Variants in STPG1 observed in about 807,000 individuals in gnomAD.
The protein encoded by STPG1 is O(6)-methylguanine-induced apoptosis 2.
Under a neutral mutation model 40.1 loss-of-function variants are expected in STPG1, and 33 were observed. The observed-to-expected ratio is 0.82, with a 90% CI of 0.62 to 1.10. The LOEUF is 1.10. Among genes scored for constraint, STPG1 ranks in the 50% least tolerant of loss-of-function variants. The pLI is 0.00. For synonymous variants in STPG1, 150 were observed against 155.0 expected, an observed-to-expected ratio of 0.97 and a Z score of 0.24; for missense variants, 396 against 415.1, an observed-to-expected ratio of 0.95 and a Z score of 0.40.
At position 24,401,303 on chromosome 1, in the gene STPG1, G is replaced by A. The variant is rs373299205; in HGVS notation, c.70+16C>T. 5.6e-6 allele frequency: 9 copies of A among 1,612,562 alleles called. No homozygotes were observed. The African/African-American group carries it at 6.7e-5, about 12-fold the overall frequency. On this transcript the variant is annotated intron_variant, in intron 2 of 8. Coordinates refer to ENST00000337248, the MANE Select transcript of STPG1 (RefSeq NM_001199013.2). ...ATATGTCAGGAGCTATCTCCTCCCT[G>A]CAAAGACACATGTACCTTTCTGTAC...
chr1:24,389,474 T>C (rs1570059627), intron 3 of STPG1, among the ~76,000 whole-genome samples: 2 of 152,288 alleles, frequency 1.3e-5, no homozygotes, highest in East Asian at 1.9e-4. Context: ...TCTTTCAACA[T>C]TGATTCAGCA....
Position 24,413,748 on chromosome 1 carries a change from G to C in STPG1, c.-143C>G, listed in dbSNP as rs941927993. 5.3e-5 allele frequency: 8 copies of C among 152,256 alleles called. No homozygotes were observed. Among genetic ancestry groups the C allele is most frequent in the Non-Finnish European group, 1.0e-4 (7 of 68,094 alleles). The allele number at this position is 152,256 out of a possible 1,614,324, so 9.4% of individuals were successfully genotyped here. On this transcript the variant is annotated 5_prime_UTR_variant, in exon 1 of 9. Transcript: ENST00000337248. ...TATGGCACCCACAGGCCTAACATTC[G>C]CGAGTCCACCTTCCGCCGTCCGCGA... is the stretch of plus-strand genomic sequence containing the variant.
chr1:24,385,798 C>G (rs951509719), intron 3 of STPG1, among the ~76,000 whole-genome samples: 1 of 152,196 alleles, frequency 6.6e-6, no homozygotes, highest in African/African-American at 2.4e-5. Context: ...AGTGCTGCCA[C>G]ACGCTAAGTG....
chr1:24,359,991 C>G lies in STPG1; in HGVS notation c.928+860G>C, dbSNP rs1640988901. Among the ~76,000 whole-genome samples the G allele has an allele frequency of 6.6e-6, 1 of 152,074 alleles. No homozygotes were observed. ...AAAGAGCTGCTCCGTTGGACAGTCC[C>G]TGGTTAATTTCATGAACAAACAAGG... On this transcript the variant is annotated intron_variant, in intron 8 of 8. Transcript: ENST00000337248. The surrounding 1 kb of genome is among the most constrained non-coding windows in gnomAD (Gnocchi z 5.3).
Position 24,361,061 on chromosome 1 carries a change from G to C in STPG1, c.738-20C>G, listed in dbSNP as rs775758927. 5.7e-6 allele frequency: 9 copies of C among 1,592,738 alleles called. No homozygotes were observed. Among genetic ancestry groups the C allele is most frequent in the Admixed American group, 3.5e-5 (2 of 57,614 alleles). On this transcript the variant is annotated intron_variant, in intron 7 of 8. Transcript: ENST00000337248. ...TTTTTCCTTTGGGAAAGATAAAACGGGAAGATGTCACTAAGGCAGTCTAGT... is the reference window on the plus strand; with the variant it reads ...TTTTTCCTTTGGGAAAGATAAAACGCGAAGATGTCACTAAGGCAGTCTAGT...
chr1:24,406,752 T>C (rs541278030), intron 1 of STPG1, among the ~76,000 whole-genome samples: 32 of 152,352 alleles, frequency 2.1e-4, no homozygotes, highest in Admixed American at 7.2e-4. Flanking sequence ...GTAATGCTTA[T>C]TTTGATTCCT....
chr1:24,397,879 C>A (rs929117928), intron 2 of STPG1, among the ~76,000 whole-genome samples: 1 of 152,034 alleles, frequency 6.6e-6, no homozygotes, highest in Non-Finnish European at 1.5e-5. Context: ...AGTTTGGGGG[C>A]ATTACAAATA....
intron 6 of STPG1, among the ~76,000 whole-genome samples, chr1:24,370,275 A>ACATAGTGG (rs1270947792): frequency 2.0e-5 from 3 of 151,864 alleles, no homozygotes; most frequent in Non-Finnish European, 4.4e-5. Flanking sequence ...AGTTCCTAGC[A>ACATAGTGG]CATAGTGGAT....
At chr1:24,372,700 A>G (rs1364791044) in intron 6 of STPG1, among the ~76,000 whole-genome samples, 1 of 152,146 alleles carries the variant, frequency 6.6e-6, no homozygotes, top group Non-Finnish European at 1.5e-5. Flanking sequence ...GATCTTTTCA[A>G]CTTTAATCTG....
rs776437856 is a variant in STPG1 at position 24,401,379 on chromosome 1, A to G, written c.10T>C (p.Ser4Pro). 8.1e-6 allele frequency: 13 copies of G among 1,613,976 alleles called. No individual in the cohort carries two copies. Among genetic ancestry groups the G allele is most frequent in the Non-Finnish European group, 1.1e-5 (13 of 1,179,930 alleles). MDNSAQKNERTGKH... is the reference protein window; with the variant it reads MDNPAQKNERTGKH... Reference sequence around the variant, plus strand: ...CCAGTGCGTTCATTTTTCTGTGCAGAGTTGTCCATGTTAGCAAAATTCTGT... The same window carrying G: ...CCAGTGCGTTCATTTTTCTGTGCAGGGTTGTCCATGTTAGCAAAATTCTGT... The change falls in exon 2 of 9, where the codon TCT becomes CCT. Residue 4 changes from serine (S) to proline (P), a missense_variant. Physicochemically the swap from Ser to Pro is moderately conservative, Grantham distance 74 (BLOSUM62 -1). Coordinates refer to ENST00000337248, the MANE Select transcript of STPG1 (RefSeq NM_001199013.2).
intron 6 of STPG1, among the ~76,000 whole-genome samples, chr1:24,370,146 C>T (rs910241253): frequency 6.6e-6 from 1 of 152,182 alleles, no homozygotes; most frequent in African/African-American, 2.4e-5. Flanking sequence ...GGACATTCAT[C>T]TAACCAGGGA....
chr1:24,374,558 C>T (rs983471047), intron 5 of STPG1, among the ~76,000 whole-genome samples: 8 of 148,542 alleles, frequency 5.4e-5, no homozygotes, highest in African/African-American at 1.7e-4. Flanking sequence ...TGCGCCCAGC[C>T]GGAAAGTGTT....
Position 24,364,497 on chromosome 1 carries a change from T to C in STPG1, c.738-3456A>G, listed in dbSNP as rs1405315504. On this transcript the variant is annotated intron_variant, in intron 7 of 8. Transcript: ENST00000337248. Reference sequence around the variant, plus strand: ...TGCATTTAAAATGTTGCATTTTCTATGGCTTTTACTTGCCTAGCTCTTTAA... The same window carrying C: ...TGCATTTAAAATGTTGCATTTTCTACGGCTTTTACTTGCCTAGCTCTTTAA... 7.3e-6 allele frequency: 10 copies of C among 1,371,452 alleles called. No individual in the cohort carries two copies. The Admixed American group carries it at 2.4e-4, about 33-fold the overall frequency. The allele number at this position is 1,371,452 out of a possible 1,614,324, so 85.0% of individuals were successfully genotyped here.
In STPG1 at chr1:24,401,469, A is replaced by C. The variant is rs1352815943; in HGVS notation, c.-68-13T>G. On this transcript the variant is annotated splice_polypyrimidine_tract_variant and intron_variant, in intron 1 of 8. Transcript: ENST00000337248. Reference sequence around the variant, plus strand: ...TTCTCCTAAGCACCTGAAACAGCAAAACACAGCATTTGTAGAGATCATTTC... The same window carrying C: ...TTCTCCTAAGCACCTGAAACAGCAACACACAGCATTTGTAGAGATCATTTC... 2 of 1,160,624 alleles carry C rather than the reference A, an allele frequency of 1.7e-6. No individual in the cohort carries two copies. The highest frequency in any genetic ancestry group is 2.6e-6 in the Non-Finnish European group (2 of 775,900). 71.9% of individuals were successfully genotyped at this position (1,160,624 alleles called of 1,614,324 possible).
chr1:24,403,274 GTGTT>G (rs2148713549), intron 1 of STPG1, among the ~76,000 whole-genome samples: 1 of 152,234 alleles, frequency 6.6e-6, no homozygotes, highest in Admixed American at 6.5e-5. Flanking sequence ...CTGTGTGTAT[GTGTT>G]TATTTAGATA....
At chr1:24,377,660 T>C (rs58533416) in intron 5 of STPG1, among the ~76,000 whole-genome samples, 2,680 of 152,242 alleles carry the variant, frequency 0.018, 81 homozygotes, top group African/African-American at 0.06. Context: ...TTTGTAATTA[T>C]TTTGTTTGTT....
rs572609638 is a variant in STPG1, at chr1:24,409,963, C to A, written c.-69+3711G>T. 3.3e-5 allele frequency among the ~76,000 whole-genome samples: 5 copies of A among 152,286 alleles called. No homozygotes were observed. The South Asian group carries it at 1.0e-3, about 32-fold the overall frequency. ...AATAAGGCAAGAAAAAAACTGTATTCTGAGGTTGCTAAGATCTACAGTAAG... is the reference window on the plus strand; with the variant it reads ...AATAAGGCAAGAAAAAAACTGTATTATGAGGTTGCTAAGATCTACAGTAAG... On this transcript the variant is annotated intron_variant, in intron 1 of 8. Coordinates refer to ENST00000337248, the MANE Select transcript of STPG1 (RefSeq NM_001199013.2).
intron 3 of STPG1, among the ~76,000 whole-genome samples, chr1:24,387,630 A>G (rs1436763506): frequency 1.3e-5 from 2 of 152,176 alleles, no homozygotes; most frequent in African/African-American, 2.4e-5. Context: ...AAAAGTATGG[A>G]TAATGATGGG....
At chr1:24,362,133 C>G (rs1386817515) in intron 7 of STPG1, among the ~76,000 whole-genome samples, 1 of 152,226 alleles carries the variant, frequency 6.6e-6, no homozygotes, top group Non-Finnish European at 1.5e-5. Flanking sequence ...AGGGAGCCAG[C>G]CCATCCAAGC....
Sources: allele counts gnomAD v4.1 joint callset (sites outside exome capture counted in the v4.1 genomes callset), GRCh38; gene constraint gnomAD v4.1.1; non-coding constraint Gnocchi (gnomAD v3.1); transcripts MANE v1.5; gene names NCBI Gene and HGNC (gene_info 2026-07-23, HGNC 2026-07-21).